The following NFATC1 variants were observed in gnomAD, a reference collection of about 807,000 sequenced individuals.
NFATC1 encodes nuclear factor of activated T cells 1, also known as nuclear factor of activated T-cells, cytoplasmic 1.
NFATC1 carries 22 observed loss-of-function variants against 76.0 expected under a neutral mutation model. The ratio of observed to expected loss-of-function variants is 0.29; its 90% CI spans 0.21 to 0.41. The LOEUF (loss-of-function observed/expected upper bound fraction) is 0.41. Ranked by LOEUF, NFATC1 falls within the 10% of genes least tolerant of loss-of-function variation. NFATC1 has a pLI of 1.00. For synonymous variants in NFATC1, 704 were observed against 613.1 expected (o/e 1.15, Z -2.19); for missense variants, 1,357 against 1,337.7 (o/e 1.01, Z -0.23).
At chr18:79,526,628 G>A (rs964209710) in intron 9 of NFATC1, among the ~76,000 whole-genome samples, 3 of 152,328 alleles carry the variant, frequency 2.0e-5, no homozygotes, top group South Asian at 4.1e-4. Flanking sequence ...GTGCCAGTGT[G>A]TCCTGTTATC....
chr18:79,523,298 A>G (rs1246239843), intron 9 of NFATC1, among the ~76,000 whole-genome samples: 1 of 152,232 alleles, frequency 6.6e-6, no homozygotes, highest in Non-Finnish European at 1.5e-5. Context: ...AACAGCGTTC[A>G]GGCCCTGGCA....
intron 4 of NFATC1, 39 bp from the exon 5 acceptor site, chr18:79,450,915 G>A (rs1445491304): frequency 6.3e-7 from 1 of 1,596,296 alleles, no homozygotes; most frequent in South Asian, 1.1e-5. Flanking sequence ...TCCCGCGTCA[G>A]CCATTGAAAG....
intron 9 of NFATC1, among the ~76,000 whole-genome samples, chr18:79,504,147 T>C (rs1209971523): frequency 2.6e-5 from 4 of 151,792 alleles, no homozygotes; most frequent in Non-Finnish European, 4.4e-5. Context: ...GGCAGCGGTT[T>C]TCACTTCTGT....
intron 6 of NFATC1, among the ~76,000 whole-genome samples, chr18:79,452,310 G>A (rs979761316): frequency 7.2e-5 from 11 of 152,226 alleles, no homozygotes; most frequent in African/African-American, 2.7e-4. Flanking sequence ...TGCCACAGCC[G>A]TGGTGTGTGT....
At position 79,415,915 on chromosome 18, in the gene NFATC1, A is replaced by G. The variant is rs2085860605; in HGVS notation, c.1226+4414A>G. ...CATCTCTATTAAAAGTACACAAATT[A>G]GCTGGGCATGGTGGCGGGCGCCTGT... On this transcript the variant is annotated intron_variant, in intron 2 of 9. Coordinates refer to ENST00000427363, the MANE Select transcript of NFATC1 (RefSeq NM_001278669.2). Among the ~76,000 whole-genome samples the G allele has an allele frequency of 2.0e-5, 3 of 152,190 alleles. No individual in the cohort carries two copies. The South Asian group carries it at 6.2e-4, about 32-fold the overall frequency.
In NFATC1 at chr18:79,461,330, G is replaced by A. The variant is rs746444122; in HGVS notation, c.1923G>A (p.Glu641=). The A allele has an allele frequency of 6.6e-7, 1 of 1,511,594 alleles. No homozygotes were observed. Among genetic ancestry groups the A allele is most frequent in the Non-Finnish European group, 8.8e-7 (1 of 1,141,258 alleles). The allele number at this position is 1,511,594 out of a possible 1,614,324, so 93.6% of individuals were successfully genotyped here. ...EKAPDGHHVW[E]MEAKTDRDLC... ...TTCCAGATGGCCACCATGTCTGGGA[G>A]ATGGAAGCGAAAACTGACCGGGACC... is the stretch of plus-strand genomic sequence containing the variant. Residue 641 remains glutamate, a synonymous_variant, in exon 7 of 10, where the codon GAG becomes GAA. Transcript: ENST00000427363.
intron 2 of NFATC1, among the ~76,000 whole-genome samples, chr18:79,431,927 TC>T (rs2086603776): frequency 1.3e-5 from 2 of 152,198 alleles, no homozygotes; most frequent in South Asian, 4.1e-4. Context: ...GGTCTCAATC[TC>T]CTGACCTTGT....
chr18:79,491,652 G>A lies in NFATC1; in HGVS notation c.2782+4715G>A, dbSNP rs116149476. 8.8e-3 allele frequency among the ~76,000 whole-genome samples: 1,340 copies of A among 152,316 alleles called. 21 individuals carry two copies. The highest frequency in any genetic ancestry group is 0.031 in the African/African-American group (1,292 of 41,580). ...GCCGGGTCCACTTTCCAGCCTCCCC[G>A]GCTTCCCTTCTGCGTTCCGCTGGCC... is the stretch of plus-strand genomic sequence containing the variant. On this transcript the variant is annotated intron_variant, in intron 9 of 9. Transcript: ENST00000427363.
chr18:79,483,782 T>C (rs111977119), intron 8 of NFATC1, among the ~76,000 whole-genome samples: 4,268 of 111,466 alleles, frequency 0.038, 280 homozygotes, highest in African/African-American at 0.14. Context: ...GTCACTCCAG[T>C]GTGACCTCGT....
intron 3 of NFATC1, among the ~76,000 whole-genome samples, chr18:79,435,473 C>T (rs56310413): frequency 0.015 from 2,206 of 152,108 alleles, 23 homozygotes; most frequent in Non-Finnish European, 0.023. Flanking sequence ...CTCAGCCTCC[C>T]GAGTAGCTGG....
rs568648076 is a variant in NFATC1, at chr18:79,512,536, G to T, written c.2783-14992G>T. ...GCTCCACGAGGTCAGAGCCTTGGCA[G>T]TTGTGCGGCTGTGGACTCACACATG... On this transcript the variant is annotated intron_variant, in intron 9 of 9. Transcript: ENST00000427363. Among the ~76,000 whole-genome samples, 215 of 152,354 alleles carry T rather than the reference G, an allele frequency of 1.4e-3. 1 individual carries two copies. Among genetic ancestry groups the T allele is most frequent in the Middle Eastern group, 3.4e-3 (1 of 294 alleles).
At chr18:79,499,301 G>C (rs561322409) in intron 9 of NFATC1, among the ~76,000 whole-genome samples, 12 of 152,314 alleles carry the variant, frequency 7.9e-5, no homozygotes, top group East Asian at 1.9e-4. Context: ...TAAGATGCTT[G>C]TTGTAATCTC....
At chr18:79,404,099 A>G (rs1158723372) in intron 1 of NFATC1, among the ~76,000 whole-genome samples, 1 of 152,204 alleles carries the variant, frequency 6.6e-6, no homozygotes, top group Non-Finnish European at 1.5e-5. Context: ...AACAACTTGG[A>G]TATTTTTTAA....
At chr18:79,517,542 C>T (rs1349469789) in intron 9 of NFATC1, among the ~76,000 whole-genome samples, 1 of 152,162 alleles carries the variant, frequency 6.6e-6, no homozygotes, top group Non-Finnish European at 1.5e-5. Flanking sequence ...CAGGAAGAGG[C>T]AATAGGAACA....
In NFATC1 at chr18:79,411,449, C is replaced by A; in HGVS notation, c.1174C>A (p.His392Asn). The A allele has an allele frequency of 4.6e-6, 7 of 1,517,264 alleles. No individual in the cohort carries two copies. Among genetic ancestry groups the A allele is most frequent in the Non-Finnish European group, 6.2e-6 (7 of 1,136,508 alleles). 94.0% of individuals were successfully genotyped at this position (1,517,264 alleles called of 1,614,324 possible). Residue 392 changes from histidine to asparagine, a missense_variant, in exon 2 of 10, where the codon CAC becomes AAC. Physicochemically the swap from His to Asn is moderately conservative, Grantham distance 68 (BLOSUM62 1). Coordinates refer to ENST00000427363, the MANE Select transcript of NFATC1 (RefSeq NM_001278669.2). The part of the protein sequence containing the change: ...FCDQYLAVPQ[H>N]PYQWAKPKPL... ...CGACCAGTACCTGGCGGTGCCGCAG[C>A]ACCCCTACCAGTGGGCGAAGCCCAA... is the stretch of plus-strand genomic sequence containing the variant.
chr18:79,506,109 G>C (rs1053530697), intron 9 of NFATC1, among the ~76,000 whole-genome samples: 2 of 152,170 alleles, frequency 1.3e-5, no homozygotes, highest in Admixed American at 1.3e-4. Flanking sequence ...GCAATGCCAC[G>C]TGCTTTTTAC....
chr18:79,509,134 G>A (rs1235074046), intron 9 of NFATC1, among the ~76,000 whole-genome samples: 1 of 152,246 alleles, frequency 6.6e-6, no homozygotes, highest in Non-Finnish European at 1.5e-5. Context: ...CTCCGCAGAG[G>A]TGTGTGGGCT....
At chr18:79,523,937 A>G (rs1486910955) in intron 9 of NFATC1, 1 of 152,234 alleles carries the variant, frequency 6.6e-6, no homozygotes. Context: ...TGAGGGTCAC[A>G]TGCTACCTGC....
intron 8 of NFATC1, among the ~76,000 whole-genome samples, chr18:79,484,730 C>A (rs1041468318): frequency 6.6e-6 from 1 of 152,232 alleles, no homozygotes; most frequent in African/African-American, 2.4e-5. Flanking sequence ...CTGGTGAGAT[C>A]CTACAGCTGG....
Sources: allele counts gnomAD v4.1 joint callset (sites outside exome capture counted in the v4.1 genomes callset), GRCh38; gene constraint gnomAD v4.1.1; transcripts MANE v1.5; gene names NCBI Gene and HGNC (gene_info 2026-07-23, HGNC 2026-07-21).